PCDHA3: variants seen among roughly 807,000 people sequenced by gnomAD.
PCDHA3 encodes protocadherin alpha 3.
In PCDHA3, 41 loss-of-function variants were observed where a neutral mutation model predicts 62.2. The observed-to-expected ratio is 0.66, with a 90% CI of 0.51 to 0.86. The LOEUF (loss-of-function observed/expected upper bound fraction) is 0.86. Ranked by LOEUF, PCDHA3 falls within the 40% of genes least tolerant of loss-of-function variation. The pLI, the probability that PCDHA3 is intolerant of heterozygous loss-of-function variation, is 0.00. For missense variants in PCDHA3, 1,304 were observed against 1,241.2 expected (o/e 1.05, Z -0.76); for synonymous variants, 640 against 555.4 (o/e 1.15, Z -2.14).
At chr5:140,927,725 C>CA in intron 1 of PCDHA3, 1 of 1,614,202 alleles carries the variant, frequency 6.2e-7, no homozygotes, top group Non-Finnish European at 8.5e-7. Context: ...AGCACGCAAG[C>CA]AGAGCTGCGA....
chr5:140,928,989 A>T (rs1554206541), intron 1 of PCDHA3: 1 of 1,613,824 alleles, frequency 6.2e-7, no homozygotes, highest in Non-Finnish European at 8.5e-7. Context: ...TGGGGTGCTT[A>T]CTTTTCTTCG....
chr5:140,843,455 G>C, intron 1 of PCDHA3: 1 of 1,596,110 alleles, frequency 6.3e-7, no homozygotes, highest in Non-Finnish European at 8.6e-7. Context: ...CAGCCTGCTG[G>C]TGCTCACGCT....
intron 1 of PCDHA3, chr5:140,966,522 G>C (rs1350046535): frequency 2.3e-6 from 1 of 437,158 alleles, no homozygotes; most frequent in Non-Finnish European, 4.0e-6. Context: ...GCAGGAAGCC[G>C]AGCCGGGTTG....
At chr5:140,862,620 G>C in intron 1 of PCDHA3, 1 of 528,384 alleles carries the variant, frequency 1.9e-6, no homozygotes, top group Non-Finnish European at 3.8e-6. Context: ...GTAACAACCC[G>C]CGGGGCTGCC....
At chr5:140,805,691 T>C in intron 1 of PCDHA3, 1 of 660,614 alleles carries the variant, frequency 1.5e-6, no homozygotes, top group Non-Finnish European at 1.9e-6. Flanking sequence ...AAGATCATGA[T>C]TACCAAGAAT....
At chr5:140,964,262 A>C (rs1327933465) in intron 1 of PCDHA3, among the ~76,000 whole-genome samples, 1 of 152,206 alleles carries the variant, frequency 6.6e-6, no homozygotes, top group Non-Finnish European at 1.5e-5. Context: ...TTGACTCCTT[A>C]ATAATTAAGG....
At chr5:140,975,933 AG>A (rs1216240117) in intron 1 of PCDHA3, among the ~76,000 whole-genome samples, 1 of 152,194 alleles carries the variant, frequency 6.6e-6, no homozygotes, top group Non-Finnish European at 1.5e-5. Flanking sequence ...TAACCTTTGA[AG>A]CAATAGGACA....
chr5:140,927,027 G>A (rs1554203924), intron 1 of PCDHA3: 3 of 1,612,328 alleles, frequency 1.9e-6, no homozygotes, highest in Non-Finnish European at 1.7e-6. Context: ...ACTTGAGGCT[G>A]CCAGCGGCCG....
chr5:140,856,690 T>A (rs1368181199), intron 1 of PCDHA3: 2 of 1,597,086 alleles, frequency 1.3e-6, no homozygotes, highest in East Asian at 2.2e-5. Context: ...TGACAGCAAC[T>A]GATGGAGGCA....
At chr5:140,926,117 A>G (rs2082917656) in intron 1 of PCDHA3, among the ~76,000 whole-genome samples, 1 of 152,190 alleles carries the variant, frequency 6.6e-6, no homozygotes, top group Admixed American at 6.5e-5. Flanking sequence ...GGTGCAGGAC[A>G]GACTTCAACC....
At chr5:140,943,547 C>T (rs1376489824) in intron 1 of PCDHA3, among the ~76,000 whole-genome samples, 20 of 152,104 alleles carry the variant, frequency 1.3e-4, no homozygotes, top group African/African-American at 4.6e-4. Context: ...TGTAAATAGA[C>T]GTAGACAATA....
At chr5:140,844,198 T>C (rs1163968581) in intron 1 of PCDHA3, among the ~76,000 whole-genome samples, 4 of 149,848 alleles carry the variant, frequency 2.7e-5, no homozygotes, top group South Asian at 4.2e-4. Context: ...TCTGACTTTT[T>C]AGTGTCTGGT....
intron 1 of PCDHA3, chr5:140,836,420 G>C (rs2150260462): frequency 6.2e-7 from 1 of 1,613,810 alleles, no homozygotes; most frequent in Non-Finnish European, 8.5e-7. Context: ...CAAAGGCGTC[G>C]TCGCGGGCAT....
chr5:140,972,512 C>T (rs1586536091), intron 1 of PCDHA3, among the ~76,000 whole-genome samples: 1 of 152,018 alleles, frequency 6.6e-6, no homozygotes, highest in Non-Finnish European at 1.5e-5. Context: ...GATTTTACCC[C>T]CAGTGAGCTT....
rs983313958 is a variant in PCDHA3 at position 140,856,486 on chromosome 5, G to A, written c.2394+52895G>A. The A allele has an allele frequency of 4.4e-6, 7 of 1,598,346 alleles. No homozygotes were observed. The Middle Eastern group carries it at 1.0e-3, about 228-fold the overall frequency. On this transcript the variant is annotated intron_variant, in intron 1 of 3. Transcript: ENST00000522353. ...AGCTCTCAATACCTGAATCCAGACTGCTTGACTCTCGATTTCCACTAGAAG... is the reference window on the plus strand; with the variant it reads ...AGCTCTCAATACCTGAATCCAGACTACTTGACTCTCGATTTCCACTAGAAG...
At chr5:140,952,171 TG>T (rs2094700193) in intron 1 of PCDHA3, among the ~76,000 whole-genome samples, 1 of 152,084 alleles carries the variant, frequency 6.6e-6, no homozygotes, top group Non-Finnish European at 1.5e-5. Context: ...GTTCAGTTCC[TG>T]CAGCTGCTCT....
Position 140,938,847 on chromosome 5 carries a change from T to C in PCDHA3, c.2395-40102T>C, listed in dbSNP as rs371783438. 4.6e-5 allele frequency among the ~76,000 whole-genome samples: 7 copies of C among 152,194 alleles called. No individual in the cohort carries two copies. The South Asian group carries it at 6.2e-4, about 14-fold the overall frequency. ...GTTTGCGTTATAACAAACCTGCCCA[T>C]GTACCCCTGAACTTAAAAGTTAAGA... On this transcript the variant is annotated intron_variant, in intron 1 of 3. Transcript: ENST00000522353.
intron 1 of PCDHA3, among the ~76,000 whole-genome samples, chr5:140,909,217 C>T (rs2074379679): frequency 6.6e-6 from 1 of 152,106 alleles, no homozygotes; most frequent in Non-Finnish European, 1.5e-5. Context: ...GTTGATATAC[C>T]CCTGAGGTAG....
At chr5:140,951,311 T>G (rs1240303466) in intron 1 of PCDHA3, among the ~76,000 whole-genome samples, 4 of 152,224 alleles carry the variant, frequency 2.6e-5, no homozygotes, top group African/African-American at 9.6e-5. Context: ...ATTAATGTGT[T>G]ATTCTTGAGA....
Sources: allele counts gnomAD v4.1 joint callset (sites outside exome capture counted in the v4.1 genomes callset), GRCh38; gene constraint gnomAD v4.1.1; transcripts MANE v1.5; gene names NCBI Gene and HGNC (gene_info 2026-07-23, HGNC 2026-07-21).